The following ERG variants were observed in gnomAD, a reference collection of about 807,000 sequenced individuals.
The protein encoded by ERG is ETS transcription factor ERG.
ERG carries 9 observed loss-of-function variants against 55.3 expected under a neutral mutation model. That is an observed-to-expected ratio of 0.16 (90% CI 0.10 to 0.28). The LOEUF is 0.28. Among genes scored for constraint, ERG ranks in the 10% least tolerant of loss-of-function variants. The pLI, the probability that ERG is intolerant of heterozygous loss-of-function variation, is 1.00. For missense variants in ERG, 434 were observed against 631.6 expected, an observed-to-expected ratio of 0.69 and a Z score of 3.35; for synonymous variants, 223 against 237.3, an observed-to-expected ratio of 0.94 and a Z score of 0.55.
chr21:38,590,393 A>C (rs1451219804), intron 1 of ERG, among the ~76,000 whole-genome samples: 4 of 152,216 alleles, frequency 2.6e-5, no homozygotes, highest in Non-Finnish European at 5.9e-5. Flanking sequence ...TCTCCAAGGA[A>C]GCACGCTGCA....
rs1987489078 is a variant in ERG, at chr21:38,382,431, A to G, written c.*972T>C. 9.4e-7 allele frequency: 1 copy of G among 1,061,720 alleles called. No homozygotes were observed. Among genetic ancestry groups the G allele is most frequent in the South Asian group, 4.6e-5 (1 of 21,946 alleles). The allele number at this position is 1,061,720 out of a possible 1,614,324, so 65.8% of individuals were successfully genotyped here. On this transcript the variant is annotated 3_prime_UTR_variant, in exon 10 of 10. Transcript: ENST00000288319. ...GAGGTCCTGAATGTTTCTCTTAAAT[A>G]TCAGACAATTCCAGTTAAAATTTTC...
At chr21:38,538,985 A>T (rs562209704) in intron 2 of ERG, among the ~76,000 whole-genome samples, 1 of 152,354 alleles carries the variant, frequency 6.6e-6, no homozygotes, top group African/African-American at 2.4e-5. Flanking sequence ...ATTCCTGGGC[A>T]GGAATAAATG....
intron 3 of ERG, among the ~76,000 whole-genome samples, chr21:38,407,647 T>TATATATATATATATAA (rs891801676): frequency 1.4e-5 from 2 of 146,686 alleles, no homozygotes; most frequent in African/African-American, 5.0e-5. Flanking sequence ...TATATATATT[T>TATATATATATATATAA]AATGTATATT....
rs564281575 is a variant in ERG, at chr21:38,536,006, T to C, written c.-41+39656A>G. 2.0e-5 allele frequency among the ~76,000 whole-genome samples: 3 copies of C among 152,292 alleles called. No homozygotes were observed. In the East Asian group the frequency reaches 5.8e-4, roughly 29 times the overall value. ...CTCCTTTACCCTGCCTAAGCAACCA[T>C]TTCTGGACCCAATCTTGGGTTATTA... On this transcript the variant is annotated intron_variant, in intron 2 of 8. Transcript: ENST00000398897.
intron 1 of ERG, among the ~76,000 whole-genome samples, chr21:38,477,159 G>A (rs938983866): frequency 1.3e-5 from 2 of 151,866 alleles, no homozygotes; most frequent in African/African-American, 2.4e-5. Context: ...GACCGCAGGC[G>A]AAGGCCACCA....
chr21:38,434,081 A>G (rs1487790757), intron 2 of ERG, among the ~76,000 whole-genome samples: 2 of 152,202 alleles, frequency 1.3e-5, no homozygotes, highest in East Asian at 1.9e-4. Flanking sequence ...AACCCCCATC[A>G]TGGCCCAGAG....
chr21:38,406,176 T>A (rs1188953748), intron 3 of ERG, among the ~76,000 whole-genome samples: 207 of 84,816 alleles, frequency 2.4e-3, no homozygotes, highest in East Asian at 2.9e-3. Context: ...AAAAAAAAAA[T>A]CATCAGTGCG....
chr21:38,565,344 A>G (rs1015916411), intron 2 of ERG, among the ~76,000 whole-genome samples: 7 of 152,216 alleles, frequency 4.6e-5, no homozygotes, highest in African/African-American at 1.4e-4. Context: ...TTATACTTCA[A>G]GAAAGCTTTA....
intron 1 of ERG, among the ~76,000 whole-genome samples, chr21:38,496,402 C>T (rs1222143648): frequency 6.6e-6 from 1 of 152,128 alleles, no homozygotes; most frequent in Non-Finnish European, 1.5e-5. Flanking sequence ...TTTGCGCTAA[C>T]GTAATTGAAA....
In ERG at chr21:38,609,041, G is replaced by A. The variant is rs1021471349; in HGVS notation, c.-149-24096C>T. Among the ~76,000 whole-genome samples the A allele has an allele frequency of 8.5e-5, 13 of 152,102 alleles. 1 individual carries two copies. The highest frequency in any genetic ancestry group is 2.9e-4 in the African/African-American group (12 of 41,394). On this transcript the variant is annotated intron_variant, in intron 1 of 10. Transcript: ENST00000398910. ...CTCCCATTGTCAGTGTCTTTCTTGG[G>A]GACAAGGGGATGGTAAAAGAACCTA...
chr21:38,579,702 C>T (rs906550919), intron 1 of ERG, among the ~76,000 whole-genome samples: 10 of 152,272 alleles, frequency 6.6e-5, no homozygotes, highest in South Asian at 2.1e-4. Flanking sequence ...TCACTCAGCA[C>T]GCAGCGTGAT....
chr21:38,547,667 T>C (rs953772612), intron 2 of ERG, among the ~76,000 whole-genome samples: 2 of 152,228 alleles, frequency 1.3e-5, no homozygotes, highest in Non-Finnish European at 2.9e-5. Context: ...TAGAAACTGA[T>C]TTGATTTTCA....
chr21:38,442,054 G>T (rs887066131), intron 2 of ERG, among the ~76,000 whole-genome samples: 1 of 152,210 alleles, frequency 6.6e-6, no homozygotes, highest in Non-Finnish European at 1.5e-5. Context: ...TCTGGGCAAT[G>T]TTAGAATTCT....
intron 1 of ERG, among the ~76,000 whole-genome samples, chr21:38,622,959 G>GGTA (rs1311955874): frequency 1.2e-4 from 1 of 8,588 alleles, no homozygotes; most frequent in African/African-American, 5.0e-4. Flanking sequence ...ACACACATCA[G>GGTA]CACACACACA....
chr21:38,496,270 T>C (rs1210845171), intron 1 of ERG, among the ~76,000 whole-genome samples: 1 of 152,192 alleles, frequency 6.6e-6, no homozygotes, highest in Non-Finnish European at 1.5e-5. Flanking sequence ...CCTAATCGAC[T>C]AATTGATTTA....
intron 1 of ERG, among the ~76,000 whole-genome samples, chr21:38,644,165 T>A (rs1601347505): frequency 6.6e-6 from 1 of 152,170 alleles, no homozygotes. Flanking sequence ...GAGGAAGAAG[T>A]GCAGAGCAGG....
intron 6 of ERG, among the ~76,000 whole-genome samples, chr21:38,397,935 C>T (rs1041208162): frequency 1.3e-5 from 2 of 152,100 alleles, no homozygotes; most frequent in African/African-American, 4.8e-5. Context: ...ATGGTCAGCA[C>T]AATAACGCTG....
intron 2 of ERG, among the ~76,000 whole-genome samples, chr21:38,520,049 A>AC (rs397828562): frequency 4.6e-5 from 7 of 150,994 alleles, no homozygotes; most frequent in African/African-American, 9.8e-5. Context: ...AACAAAAAAA[A>AC]CTTCCAGGGT....
At chr21:38,484,646 C>T (rs1212396037) in intron 1 of ERG, among the ~76,000 whole-genome samples, 1 of 152,218 alleles carries the variant, frequency 6.6e-6, no homozygotes, top group Non-Finnish European at 1.5e-5. Flanking sequence ...TCTCTACTGT[C>T]CTCAAAGGAA....
Sources: allele counts gnomAD v4.1 joint callset (sites outside exome capture counted in the v4.1 genomes callset), GRCh38; gene constraint gnomAD v4.1.1; transcripts MANE v1.5; gene names NCBI Gene and HGNC (gene_info 2026-07-23, HGNC 2026-07-21).